Variants in CEP63 observed in about 807,000 individuals in gnomAD.
CEP63 encodes the protein centrosomal protein of 63 kDa.
In CEP63, 84 loss-of-function variants were observed where a neutral mutation model predicts 89.1. The observed-to-expected ratio is 0.94, with a 90% confidence interval of 0.79 to 1.13. The LOEUF is 1.13. CEP63 is among the 50% of genes most tolerant of loss of function. CEP63 has a pLI of 0.00. For missense variants in CEP63, 838 were observed against 813.3 expected (o/e 1.03, Z -0.37); for synonymous variants, 267 against 272.5 (o/e 0.98, Z 0.20).
chr3:134,753,404 G>T, the CEP63 span, among the ~76,000 whole-genome samples: 1 of 152,168 alleles, frequency 6.6e-6, no homozygotes, highest in Non-Finnish European at 1.5e-5. Flanking sequence ...TGGGCCGAAA[G>T]TGCACAAATG....
At chr3:134,507,886 A>G (rs1943869857) in intron 3 of CEP63, among the ~76,000 whole-genome samples, 1 of 152,208 alleles carries the variant, frequency 6.6e-6, no homozygotes, top group African/African-American at 2.4e-5. Flanking sequence ...GTAAATTAGG[A>G]GGAAGTACAC....
the CEP63 span, among the ~76,000 whole-genome samples, chr3:134,735,931 C>T: frequency 6.6e-6 from 1 of 151,968 alleles, no homozygotes; most frequent in East Asian, 1.9e-4. Flanking sequence ...CTGGTATCAC[C>T]TCGATACTAA....
chr3:134,541,912 A>G (rs1420787439), intron 6 of CEP63, among the ~76,000 whole-genome samples: 1 of 152,156 alleles, frequency 6.6e-6, no homozygotes, highest in Non-Finnish European at 1.5e-5. Flanking sequence ...GTAATGCTAG[A>G]TGTAACAAAA....
At chr3:134,704,952 A>G in the CEP63 span, among the ~76,000 whole-genome samples, 1 of 152,230 alleles carries the variant, frequency 6.6e-6, no homozygotes, top group African/African-American at 2.4e-5. Context: ...CTTAGGTCTT[A>G]TAACCAGTTT....
the CEP63 span, among the ~76,000 whole-genome samples, chr3:134,742,680 C>A: frequency 1.2e-4 from 18 of 152,170 alleles, no homozygotes; most frequent in Non-Finnish European, 2.1e-4. Flanking sequence ...AAGGTGGGGC[C>A]TTAACATAGA....
At chr3:134,700,974 T>C in the CEP63 span, among the ~76,000 whole-genome samples, 1 of 152,076 alleles carries the variant, frequency 6.6e-6, no homozygotes, top group South Asian at 2.1e-4. Context: ...TGCATCTTGT[T>C]TGCTGTCATC....
At chr3:134,602,011 T>C in the CEP63 span, among the ~76,000 whole-genome samples, 1 of 151,484 alleles carries the variant, frequency 6.6e-6, no homozygotes, top group Non-Finnish European at 1.5e-5. Context: ...GATACAGGGA[T>C]GTGAGGGTGA....
At chr3:134,691,531 T>G in the CEP63 span, among the ~76,000 whole-genome samples, 19 of 151,370 alleles carry the variant, frequency 1.3e-4, no homozygotes, top group African/African-American at 4.6e-4. Context: ...GCTGGGAGGA[T>G]CTTTTGAACC....
chr3:134,503,269 G>C (rs1023759057), intron 2 of CEP63, among the ~76,000 whole-genome samples: 4 of 151,564 alleles, frequency 2.6e-5, no homozygotes, highest in African/African-American at 9.7e-5. Flanking sequence ...TTTCTTCACT[G>C]ACCCAGTGGT....
chr3:134,561,310 G>A lies in CEP63; in HGVS notation c.1954-67G>A, dbSNP rs945505501. ...AATATTGCTAGTTAGAAAATGTCAT[G>A]AACAGTGTATCTTAGAAATATAATA... On this transcript the variant is annotated intron_variant, in intron 14 of 14. Transcript: ENST00000675561. The A allele has an allele frequency of 2.1e-6, 3 of 1,425,848 alleles. 1 individual carries two copies. The South Asian group carries it at 3.5e-5, about 16-fold the overall frequency. The allele number at this position is 1,425,848 out of a possible 1,614,324, so 88.3% of individuals were successfully genotyped here. A position where few individuals can be genotyped will look rare whatever the true frequency, so the allele number is the denominator to read the frequency against.
intron 12 of CEP63, chr3:134,553,455 A>G (rs1477484517): frequency 6.6e-6 from 1 of 152,126 alleles, no homozygotes; most frequent in Non-Finnish European, 1.5e-5. Context: ...ATATATAAAA[A>G]TTCCCTACAA....
the CEP63 span, among the ~76,000 whole-genome samples, chr3:134,661,493 C>G: frequency 1.3e-5 from 2 of 152,186 alleles, no homozygotes; most frequent in African/African-American, 4.8e-5. Flanking sequence ...ATGAACGAAT[C>G]TCTCTCATGT....
the CEP63 span, among the ~76,000 whole-genome samples, chr3:134,669,592 C>T: frequency 6.6e-6 from 1 of 152,104 alleles, no homozygotes. Context: ...AAATATTTTG[C>T]ACAACACCAG....
At chr3:134,620,873 G>C in the CEP63 span, 1 of 1,560,358 alleles carries the variant, frequency 6.4e-7, no homozygotes, top group Non-Finnish European at 8.8e-7. Context: ...GAGCAGGAAG[G>C]GTGTGCTGTA....
the CEP63 span, chr3:134,603,286 C>T: frequency 1.1e-5 from 3 of 277,192 alleles, no homozygotes; most frequent in African/African-American, 2.2e-5. Context: ...AGCACTAATA[C>T]GAGAAGGGGC....
chr3:134,773,608 C>T, the CEP63 span, among the ~76,000 whole-genome samples: 6 of 152,164 alleles, frequency 3.9e-5, no homozygotes, highest in African/African-American at 1.4e-4. Flanking sequence ...ACAGAAATGA[C>T]CACTGCCATT....
At chr3:134,653,117 T>G in the CEP63 span, among the ~76,000 whole-genome samples, 1 of 152,214 alleles carries the variant, frequency 6.6e-6, no homozygotes, top group Non-Finnish European at 1.5e-5. Flanking sequence ...GTCTCTCTGC[T>G]ATGTCTGAAG....
intron 3 of CEP63, chr3:134,511,272 CT>C: frequency 6.1e-6 from 1 of 164,968 alleles, no homozygotes; most frequent in Non-Finnish European, 1.3e-5. Flanking sequence ...ATTTGGTCCC[CT>C]TTGCTGATGT....
the CEP63 span, among the ~76,000 whole-genome samples, chr3:134,743,478 G>T: frequency 6.6e-6 from 1 of 152,144 alleles, no homozygotes; most frequent in African/African-American, 2.4e-5. Flanking sequence ...TTCAGGCTGG[G>T]CCGTGAGAAC....
Sources: gnomAD v4.1 joint callset for allele counts (sites outside exome capture counted in the v4.1 genomes callset) on GRCh38, gnomAD v4.1.1 for gene constraint, MANE v1.5 for transcripts, NCBI Gene and HGNC (gene_info 2026-07-23, HGNC 2026-07-21) for gene names.